The following ANXA8 variants were observed in gnomAD, a reference collection of about 807,000 sequenced individuals.
ANXA8 encodes the protein VAC-beta.
A neutral mutation model predicts 26.8 loss-of-function variants in ANXA8; 9 were observed. That is an observed-to-expected ratio of 0.34 (90% CI 0.20 to 0.59). ANXA8 has a LOEUF of 0.59. ANXA8 is among the 20% of genes least tolerant of loss of function. ANXA8 has a pLI of 0.84. For missense variants in ANXA8, 83 were observed against 238.5 expected (o/e 0.35, Z 4.29); for synonymous variants, 39 against 94.8 (o/e 0.41, Z 3.42).
the ANXA8 span, among the ~76,000 whole-genome samples, chr10:47,949,258 C>A: frequency 9.0e-4 from 131 of 146,254 alleles, 2 homozygotes; most frequent in African/African-American, 3.3e-3. Context: ...TTGCTAATAA[C>A]TTTATTTCCA....
the ANXA8 span, among the ~76,000 whole-genome samples, chr10:47,724,112 T>C: frequency 7.4e-6 from 1 of 135,384 alleles, no homozygotes; most frequent in African/African-American, 2.7e-5. Flanking sequence ...CAGGACAGTT[T>C]CTCATTATGT....
At chr10:47,568,316 C>T in the ANXA8 span, among the ~76,000 whole-genome samples, 2 of 46,704 alleles carry the variant, frequency 4.3e-5, no homozygotes, top group East Asian at 6.7e-4. Flanking sequence ...CATGAGCCAC[C>T]GCACCCGGCC....
the ANXA8 span, among the ~76,000 whole-genome samples, chr10:47,558,528 G>GGTGT: frequency 8.6e-6 from 1 of 115,630 alleles, no homozygotes; most frequent in African/African-American, 3.5e-5. Context: ...AGGGTTTTAA[G>GGTGT]ATGTGTGTGT....
chr10:47,665,169 TAA>T, the ANXA8 span, among the ~76,000 whole-genome samples: 1 of 147,232 alleles, frequency 6.8e-6, no homozygotes, highest in African/African-American at 2.6e-5. Flanking sequence ...AACTGCAAAT[TAA>T]AAAAAAAAAC....
the ANXA8 span, among the ~76,000 whole-genome samples, chr10:47,743,283 C>CACATATATATATATAT: frequency 4.9e-5 from 4 of 81,976 alleles, no homozygotes; most frequent in East Asian, 9.1e-4. Context: ...TATATACACA[C>CACATATATATATATAT]ATATATATAT....
the ANXA8 span, among the ~76,000 whole-genome samples, chr10:47,958,529 G>A: frequency 8.1e-4 from 120 of 147,824 alleles, 11 homozygotes; most frequent in African/African-American, 3.1e-3. Context: ...CCACAGACAG[G>A]CAGGGAGGAA....
chr10:47,653,067 T>A, the ANXA8 span, among the ~76,000 whole-genome samples: 1 of 150,866 alleles, frequency 6.6e-6, no homozygotes, highest in Non-Finnish European at 1.5e-5. Context: ...ATCCCAGCAC[T>A]TTGGGAGGCC....
the ANXA8 span, among the ~76,000 whole-genome samples, chr10:47,495,656 GGAAGA>G: frequency 7.5e-6 from 1 of 134,088 alleles, no homozygotes; most frequent in Non-Finnish European, 1.6e-5. Flanking sequence ...AGACTGAGGA[GGAAGA>G]GGAGGAGGAG....
chr10:47,530,698 A>C, the ANXA8 span, among the ~76,000 whole-genome samples: 1 of 140,114 alleles, frequency 7.1e-6, no homozygotes. Context: ...CTCTCAAAAA[A>C]AAAAAAAGAA....
the ANXA8 span, among the ~76,000 whole-genome samples, chr10:47,980,445 T>C: frequency 5.3e-5 from 8 of 151,218 alleles, no homozygotes; most frequent in Non-Finnish European, 1.0e-4. Context: ...TAAAACGGAA[T>C]AGAAAAAACA....
the ANXA8 span, among the ~76,000 whole-genome samples, chr10:47,682,419 TG>T: frequency 6.9e-6 from 1 of 144,728 alleles, no homozygotes; most frequent in Non-Finnish European, 1.5e-5. Context: ...AGGACTGTTC[TG>T]GGCAAATCAG....
At chr10:47,547,382 G>A in the ANXA8 span, among the ~76,000 whole-genome samples, 3 of 139,468 alleles carry the variant, frequency 2.2e-5, no homozygotes, top group Non-Finnish European at 4.6e-5. Context: ...GCTACCGTTT[G>A]TGTTTTTAAA....
chr10:47,704,929 T>C, the ANXA8 span, among the ~76,000 whole-genome samples: 1 of 152,078 alleles, frequency 6.6e-6, no homozygotes, highest in Non-Finnish European at 1.5e-5. Context: ...ATTTCAGTTC[T>C]TTTCAAGTTG....
the ANXA8 span, among the ~76,000 whole-genome samples, chr10:47,580,753 C>CAAA: frequency 6.4e-3 from 369 of 57,716 alleles, no homozygotes; most frequent in African/African-American, 0.019. Context: ...AAAAACAAAA[C>CAAA]AAAAAAAAAA....
the ANXA8 span, among the ~76,000 whole-genome samples, chr10:47,699,494 A>G: frequency 6.6e-6 from 1 of 151,606 alleles, no homozygotes; most frequent in Non-Finnish European, 1.5e-5. Flanking sequence ...AAATAATAAG[A>G]TAATTCAATG....
chr10:47,666,387 G>T, the ANXA8 span, among the ~76,000 whole-genome samples: 1 of 150,896 alleles, frequency 6.6e-6, no homozygotes, highest in Admixed American at 6.6e-5. Flanking sequence ...AGCCAGCGTT[G>T]CTATAAGTGT....
At chr10:47,929,870 CT>C in the ANXA8 span, among the ~76,000 whole-genome samples, 3 of 151,804 alleles carry the variant, frequency 2.0e-5, no homozygotes, top group Non-Finnish European at 4.4e-5. Context: ...CCTTTCTGGC[CT>C]CATTCAGCCA....
chr10:47,557,947 G>T, the ANXA8 span, among the ~76,000 whole-genome samples: 3 of 152,016 alleles, frequency 2.0e-5, no homozygotes, highest in Middle Eastern at 3.4e-3. Context: ...GCTAGTTTCT[G>T]CTTTTGATTT....
chr10:47,728,760 C>CTT, the ANXA8 span, among the ~76,000 whole-genome samples: 1 of 116,702 alleles, frequency 8.6e-6, no homozygotes, highest in African/African-American at 3.4e-5. Context: ...GTTATCTCTT[C>CTT]TTTTTTTTTT....
Sources: allele counts gnomAD v4.1 joint callset (sites outside exome capture counted in the v4.1 genomes callset), GRCh38; gene constraint gnomAD v4.1.1; transcripts MANE v1.5; gene names NCBI Gene and HGNC (gene_info 2026-07-23, HGNC 2026-07-21).